The following CNKSR3 variants were observed in gnomAD, a reference collection of about 807,000 sequenced individuals.
CNKSR3 encodes the protein connector enhancer of kinase suppressor of ras 3.
A neutral mutation model predicts 67.7 loss-of-function variants in CNKSR3; 36 were observed. The observed-to-expected ratio is 0.53, with a 90% confidence interval of 0.41 to 0.70. CNKSR3 has a LOEUF of 0.70. Among genes scored for constraint, CNKSR3 ranks in the 30% least tolerant of loss-of-function variants. The pLI, the probability that CNKSR3 is intolerant of heterozygous loss-of-function variation, is 0.00. For missense variants in CNKSR3, 630 were observed against 695.2 expected (o/e 0.91, Z 1.05); for synonymous variants, 281 against 271.4 (o/e 1.04, Z -0.35).
At chr6:154,424,973 T>C (rs1486047493) in intron 7 of CNKSR3, among the ~76,000 whole-genome samples, 1 of 152,234 alleles carries the variant, frequency 6.6e-6, no homozygotes, top group East Asian at 1.9e-4. Flanking sequence ...GGTTTCACCA[T>C]GTTGGCCAGG....
chr6:154,436,317 A>C (rs1785471230), intron 4 of CNKSR3, among the ~76,000 whole-genome samples: 1 of 151,706 alleles, frequency 6.6e-6, no homozygotes, highest in Non-Finnish European at 1.5e-5. Context: ...GACTACAGGC[A>C]CACACCACCA....
chr6:154,397,869 G>A lies in CNKSR3; in HGVS notation c.*8485C>T, dbSNP rs1181376478. On this transcript the variant is annotated 3_prime_UTR_variant, in exon 13 of 13. Coordinates refer to ENST00000607772, the MANE Select transcript of CNKSR3 (RefSeq NM_173515.4). ...ATCTGCGGCCATCACTAGGTGCACA[G>A]TGCAGTGGGGGTGTGTGAGATGCAC... 2.0e-5 allele frequency: 3 copies of A among 152,260 alleles called. No homozygotes were observed. Among genetic ancestry groups the A allele is most frequent in the African/African-American group, 7.2e-5 (3 of 41,436 alleles). The allele number at this position is 152,260 out of a possible 1,614,324, so 9.4% of individuals were successfully genotyped here.
chr6:154,406,711 T>G, intron 12 of CNKSR3, 59 bp from the exon 13 acceptor site: 2 of 1,472,442 alleles, frequency 1.4e-6, no homozygotes, highest in Non-Finnish European at 1.8e-6. Context: ...GGCTCACACC[T>G]GTAATCTCCG....
At chr6:154,450,290 C>T (rs773167834) in intron 1 of CNKSR3, 32 bp from the exon 2 acceptor site, 2 of 1,606,632 alleles carry the variant, frequency 1.2e-6, no homozygotes, top group Non-Finnish European at 1.7e-6. Flanking sequence ...CCCATTATTG[C>T]CATTTTGTTC....
intron 1 of CNKSR3, among the ~76,000 whole-genome samples, chr6:154,454,130 G>GC (rs1785901152): frequency 7.0e-6 from 1 of 143,196 alleles, no homozygotes; most frequent in African/African-American, 2.6e-5. Flanking sequence ...GAGAGAGAGA[G>GC]AGAGAGAGAG....
intron 1 of CNKSR3, among the ~76,000 whole-genome samples, chr6:154,489,040 G>T (rs548941267): frequency 6.6e-4 from 100 of 152,100 alleles, no homozygotes; most frequent in African/African-American, 2.3e-3. Flanking sequence ...GGGTTTTGTG[G>T]GTTTTGAGTT....
Position 154,422,977 on chromosome 6 carries a change from C to A in CNKSR3, c.736G>T (p.Ala246Ser). The change falls in exon 8 of 13, where the codon GCA becomes TCA. Residue 246 changes from alanine to serine, a missense_variant. Around this residue, in one of 3 missense-constraint regions of CNKSR3, gnomAD observed 133 missense variants for 190.6 expected, o/e 0.70. Transcript: ENST00000607772. ...GCATGAATCTTCTGAGATCTGTCTGCAGGAGACTGTACAGAAACAAAATAA... is the reference window on the plus strand; with the variant it reads ...GCATGAATCTTCTGAGATCTGTCTGAAGGAGACTGTACAGAAACAAAATAA... Reference protein sequence around the residue: ...VITGTTENSPADRSQKIHAGD... With the variant: ...VITGTTENSPSDRSQKIHAGD... The A allele has an allele frequency of 6.2e-7, 1 of 1,608,300 alleles. No homozygotes were observed. Among genetic ancestry groups the A allele is most frequent in the Non-Finnish European group, 8.5e-7 (1 of 1,176,174 alleles).
At chr6:154,437,643 T>A (rs1227334774) in intron 4 of CNKSR3, among the ~76,000 whole-genome samples, 1 of 152,074 alleles carries the variant, frequency 6.6e-6, no homozygotes, top group Non-Finnish European at 1.5e-5. Context: ...CTCGAACTCC[T>A]GACCTCAGGT....
chr6:154,479,540 T>C lies in CNKSR3; in HGVS notation c.53-29282A>G, dbSNP rs184344754. Among the ~76,000 whole-genome samples, 88 of 152,276 alleles carry C rather than the reference T, an allele frequency of 5.8e-4. 1 individual carries two copies. Among genetic ancestry groups the C allele is most frequent in the Admixed American group, 5.6e-3 (85 of 15,290 alleles). ...AAAGAAAGCGGGGGTAAAAATCGTT[T>C]CCATATTTCACATAAACACAGATCT... On this transcript the variant is annotated intron_variant, in intron 1 of 12. Transcript: ENST00000607772.
chr6:154,435,540 C>T (rs1785453117), intron 4 of CNKSR3, among the ~76,000 whole-genome samples: 1 of 152,162 alleles, frequency 6.6e-6, no homozygotes, highest in South Asian at 2.1e-4. Context: ...TTCCAGTTGG[C>T]GTGTGAAAGG....
At chr6:154,467,370 C>G (rs558420648) in intron 1 of CNKSR3, among the ~76,000 whole-genome samples, 1 of 152,280 alleles carries the variant, frequency 6.6e-6, no homozygotes, top group South Asian at 2.1e-4. Context: ...TTAGCCAGGA[C>G]ATACATCAAC....
Position 154,390,383 on chromosome 6 carries a change from C to A in CNKSR3, c.*15971G>T, listed in dbSNP as rs950204137. ...TTATGGACTCTGACAAAAGGCCACACTGCAGGGCATAGGCTTGGCATCTTG... is the reference window on the plus strand; with the variant it reads ...TTATGGACTCTGACAAAAGGCCACAATGCAGGGCATAGGCTTGGCATCTTG... On this transcript the variant is annotated 3_prime_UTR_variant, in exon 13 of 13. Coordinates refer to ENST00000607772, the MANE Select transcript of CNKSR3 (RefSeq NM_173515.4). 1 of 152,230 alleles carries A rather than the reference C, an allele frequency of 6.6e-6. No individual in the cohort carries two copies. The highest frequency in any genetic ancestry group is 1.5e-5 in the Non-Finnish European group (1 of 68,064). The allele number at this position is 152,230 out of a possible 1,614,324, so 9.4% of individuals were successfully genotyped here.
At chr6:154,445,487 A>T (rs566574073) in intron 2 of CNKSR3, among the ~76,000 whole-genome samples, 1 of 152,228 alleles carries the variant, frequency 6.6e-6, no homozygotes, top group African/African-American at 2.4e-5. Context: ...AGGTCCCCTC[A>T]TTCGGTCACT....
chr6:154,466,786 A>ATTTTTT (rs368521995), intron 1 of CNKSR3, among the ~76,000 whole-genome samples: 1 of 137,828 alleles, frequency 7.3e-6, no homozygotes, highest in African/African-American at 3.0e-5. Flanking sequence ...CGCCCAGCTA[A>ATTTTTT]TTTTTTTGTT....
chr6:154,475,463 G>A (rs7750225), intron 1 of CNKSR3, among the ~76,000 whole-genome samples: 35,929 of 151,986 alleles, frequency 0.24, 4,497 homozygotes, highest in African/African-American at 0.32. Flanking sequence ...CATCTGCTGC[G>A]GCCCTTGCTG....
In CNKSR3 at chr6:154,393,822, G is replaced by A. The variant is rs1784631963; in HGVS notation, c.*12532C>T. The A allele has an allele frequency of 6.6e-6, 1 of 152,196 alleles. No individual in the cohort carries two copies. Among genetic ancestry groups the A allele is most frequent in the South Asian group, 2.1e-4 (1 of 4,826 alleles). 9.4% of individuals were successfully genotyped at this position (152,196 alleles called of 1,614,324 possible). The stretch of plus-strand genomic sequence containing the variant: ...AAATTAGTTAGAATTAAAGAGTAAT[G>A]AAAATGCCATATACCAAGCCTTGCA... On this transcript the variant is annotated 3_prime_UTR_variant, in exon 13 of 13. Transcript: ENST00000607772.
chr6:154,442,842 A>T (rs1019027471), intron 2 of CNKSR3, among the ~76,000 whole-genome samples: 5 of 151,886 alleles, frequency 3.3e-5, no homozygotes, highest in Non-Finnish European at 7.4e-5. Flanking sequence ...TCTTCCCCAA[A>T]TGCGCCTCCT....
intron 7 of CNKSR3, among the ~76,000 whole-genome samples, chr6:154,426,359 T>TTTATTTAC (rs1400187847): frequency 6.6e-6 from 1 of 151,572 alleles, no homozygotes; most frequent in African/African-American, 2.4e-5. Flanking sequence ...TATTTATTTA[T>TTTATTTAC]TTATTTATTT....
Position 154,406,051 on chromosome 6 carries a change from G to A in CNKSR3, c.*303C>T, listed in dbSNP as rs1784780356. 2 of 309,294 alleles carry A rather than the reference G, an allele frequency of 6.5e-6. No homozygotes were observed. The highest frequency in any genetic ancestry group is 2.1e-5 in the African/African-American group (1 of 47,012). The allele number at this position is 309,294 out of a possible 1,614,324, so 19.2% of individuals were successfully genotyped here. A position where few individuals can be genotyped will look rare whatever the true frequency, so the allele number is the denominator to read the frequency against. ...ACCAGTCCCTCACAATGACCATAAC[G>A]TCTCTGGCCAGGACTGCGATTTCTA... On this transcript the variant is annotated 3_prime_UTR_variant, in exon 13 of 13. Transcript: ENST00000607772.
Sources: gnomAD v4.1 joint callset for allele counts (sites outside exome capture counted in the v4.1 genomes callset) on GRCh38, gnomAD v4.1.1 for gene constraint, gnomAD v4.1.1 regional missense constraint, MANE v1.5 for transcripts, NCBI Gene and HGNC (gene_info 2026-07-23, HGNC 2026-07-21) for gene names.